IQCE: variants seen among roughly 807,000 people sequenced by gnomAD.
The protein encoded by IQCE is IQ domain-containing protein E.
Under a neutral mutation model 96.0 loss-of-function variants are expected in IQCE, and 115 were observed. The ratio of observed to expected loss-of-function variants is 1.20; its 90% confidence interval spans 1.03 to 1.40. IQCE has a LOEUF of 1.40. Ranked by LOEUF, IQCE falls within the 40% of genes most tolerant of loss-of-function variation. IQCE has a pLI of 0.00. For synonymous variants in IQCE, 412 were observed against 371.2 expected, an observed-to-expected ratio of 1.11 and a Z score of -1.26; for missense variants, 1,041 against 909.1, an observed-to-expected ratio of 1.15 and a Z score of -1.87.
intron 21 of IQCE, chr7:2,607,569 T>C: frequency 8.0e-7 from 1 of 1,242,346 alleles, no homozygotes; most frequent in Non-Finnish European, 1.0e-6. Flanking sequence ...TTTTCTACTT[T>C]GTTAAAGTCC....
Position 2,610,353 on chromosome 7 carries a change from G to C in IQCE, c.*191G>C, listed in dbSNP as rs1208300400. On this transcript the variant is annotated 3_prime_UTR_variant, in exon 22 of 22. Transcript: ENST00000402050. ...ATGCCTTTACTTTATTCTCTGGGGA[G>C]GGCCAGCGGCTCGCATCCCCCTCAT... 3.7e-6 allele frequency: 2 copies of C among 538,706 alleles called. No homozygotes were observed. The highest frequency in any genetic ancestry group is 3.3e-6 in the Non-Finnish European group (1 of 299,080). 33.4% of individuals were successfully genotyped at this position (538,706 alleles called of 1,614,324 possible). A position where few individuals can be genotyped will look rare whatever the true frequency, so the allele number is the denominator to read the frequency against.
chr7:2,572,636 TAATA>T, intron 5 of IQCE: 1 of 525,174 alleles, frequency 1.9e-6, no homozygotes. Flanking sequence ...GAACAAATAC[TAATA>T]AATAAATAAT....
chr7:2,594,123 A>G (rs1279458228), intron 15 of IQCE, among the ~76,000 whole-genome samples: 2 of 152,150 alleles, frequency 1.3e-5, no homozygotes, highest in African/African-American at 4.8e-5. Flanking sequence ...AGCCGGGCAC[A>G]GTGACAGGTG....
intron 11 of IQCE, 78 bp from the exon 12 acceptor site, chr7:2,586,130 T>C: frequency 7.3e-7 from 1 of 1,368,372 alleles, no homozygotes; most frequent in Non-Finnish European, 1.0e-6. Context: ...CAAGCTGTGA[T>C]TCACCTGTCC....
In IQCE at chr7:2,598,957, G is replaced by C. The variant is rs572381667; in HGVS notation, c.1608+325G>C. 5.3e-5 allele frequency among the ~76,000 whole-genome samples: 8 copies of C among 152,326 alleles called. No homozygotes were observed. In the South Asian group the frequency reaches 1.7e-3, roughly 32 times the overall value. On this transcript the variant is annotated intron_variant, in intron 17 of 21. Transcript: ENST00000402050. Reference sequence around the variant, plus strand: ...TTCTCCTACCTGACCACAGCACCGTGACTGCACCTAGGGCTGCCAGCAGTT... The same window carrying C: ...TTCTCCTACCTGACCACAGCACCGTCACTGCACCTAGGGCTGCCAGCAGTT...
chr7:2,588,394 C>A (rs1416666449), intron 13 of IQCE, among the ~76,000 whole-genome samples: 1 of 150,916 alleles, frequency 6.6e-6, no homozygotes, highest in East Asian at 1.9e-4. Flanking sequence ...TCACTCTGTC[C>A]CCAGGCTGGA....
chr7:2,576,916 G>C (rs1245060514), intron 6 of IQCE, among the ~76,000 whole-genome samples: 1 of 152,190 alleles, frequency 6.6e-6, no homozygotes, highest in African/African-American at 2.4e-5. Flanking sequence ...GTGCGGCACC[G>C]TCCAGCCCCG....
At chr7:2,583,090 C>T in intron 9 of IQCE, among the ~76,000 whole-genome samples, 1 of 152,136 alleles carries the variant, frequency 6.6e-6, no homozygotes, top group African/African-American at 2.4e-5. Flanking sequence ...CAATAGTTCC[C>T]CCCTCGTTTC....
At chr7:2,576,694 CG>C (rs1243320264) in intron 6 of IQCE, among the ~76,000 whole-genome samples, 1 of 152,144 alleles carries the variant, frequency 6.6e-6, no homozygotes, top group Non-Finnish European at 1.5e-5. Flanking sequence ...CCACCGTGCC[CG>C]GCCCCGACTA....
chr7:2,614,187 G>A lies in IQCE; in HGVS notation c.*4025G>A, dbSNP rs1785210121. 6.6e-6 allele frequency: 1 copy of A among 152,202 alleles called. No homozygotes were observed. The highest frequency in any genetic ancestry group is 2.4e-5 in the African/African-American group (1 of 41,434). The allele number at this position is 152,202 out of a possible 1,614,324, so 9.4% of individuals were successfully genotyped here. A position where few individuals can be genotyped will look rare whatever the true frequency, so the allele number is the denominator to read the frequency against. ...ACCTAGCTCAGATCCACCAAGATAA[G>A]CACAGCAAAGCTTGGCTGCATTTTT... On this transcript the variant is annotated 3_prime_UTR_variant, in exon 22 of 22. Coordinates refer to ENST00000402050, the MANE Select transcript of IQCE (RefSeq NM_152558.5).
At chr7:2,586,180 A>T (rs1360565845) in intron 11 of IQCE, 28 bp from the exon 12 acceptor site, 2 of 1,600,006 alleles carry the variant, frequency 1.3e-6, no homozygotes, top group African/African-American at 1.3e-5. Context: ...AGCAATGCAA[A>T]CCTCAGTCCA....
chr7:2,594,277 G>C (rs1583481172), intron 15 of IQCE, among the ~76,000 whole-genome samples: 1 of 152,120 alleles, frequency 6.6e-6, no homozygotes, highest in African/African-American at 2.4e-5. Context: ...CAAAAAAAAA[G>C]AAAACATTTC....
Position 2,605,959 on chromosome 7 carries a change from G to T in IQCE, c.1827G>T (p.Gln609His). The T allele has an allele frequency of 6.2e-7, 1 of 1,610,954 alleles. No individual in the cohort carries two copies. The highest frequency in any genetic ancestry group is 8.5e-7 in the Non-Finnish European group (1 of 1,179,176). The stretch of plus-strand genomic sequence containing the variant: ...AGGAGGAGGCCATCGTCATCATCCA[G>T]TCCGCTCTGCGGGCACACCTGGCCC... ...PVQEEAIVII[Q>H]SALRAHLARA... Residue 609 changes from glutamine (Q) to histidine (H), a missense_variant, in exon 20 of 22, where the codon CAG becomes CAT. Gln to His is a conservative substitution (Grantham distance 24). Coordinates refer to ENST00000402050, the MANE Select transcript of IQCE (RefSeq NM_152558.5).
chr7:2,571,692 G>C lies in IQCE; in HGVS notation c.259+38G>C, dbSNP rs755477684. The C allele has an allele frequency of 3.2e-6, 5 of 1,573,594 alleles. No individual in the cohort carries two copies. In the East Asian group the frequency reaches 1.1e-4, roughly 35 times the overall value. Reference sequence around the variant, plus strand: ...CGCACTGGAGACCCTTCCTGCTTGAGAGAAGAGTTCGAGAAATTTCAGGGA... The same window carrying C: ...CGCACTGGAGACCCTTCCTGCTTGACAGAAGAGTTCGAGAAATTTCAGGGA... On this transcript the variant is annotated intron_variant, in intron 4 of 21. Coordinates refer to ENST00000402050, the MANE Select transcript of IQCE (RefSeq NM_152558.5).
intron 6 of IQCE, among the ~76,000 whole-genome samples, chr7:2,575,022 C>T (rs1171300984): frequency 6.6e-6 from 1 of 152,356 alleles, no homozygotes; most frequent in East Asian, 1.9e-4. Flanking sequence ...ATCTTTGTGG[C>T]GGCTGCCCTA....
rs1781427416 is a variant in IQCE at position 2,567,059 on chromosome 7, A to G, written c.37-57A>G. Reference sequence around the variant, plus strand: ...GGCTGTTTTCGCTTTTGTAAACGTGATGGTCGGAAGCCCAGCAGGTGCCGT... The same window carrying G: ...GGCTGTTTTCGCTTTTGTAAACGTGGTGGTCGGAAGCCCAGCAGGTGCCGT... On this transcript the variant is annotated intron_variant, in intron 1 of 21. Coordinates refer to ENST00000402050, the MANE Select transcript of IQCE (RefSeq NM_152558.5). 4.1e-6 allele frequency: 6 copies of G among 1,477,224 alleles called. No homozygotes were observed. In the African/African-American group the frequency reaches 5.5e-5, roughly 14 times the overall value. 91.5% of individuals were successfully genotyped at this position (1,477,224 alleles called of 1,614,324 possible). A position where few individuals can be genotyped will look rare whatever the true frequency, so the allele number is the denominator to read the frequency against.
chr7:2,580,143 G>GT (rs1292293755), intron 8 of IQCE: 3 of 152,090 alleles, frequency 2.0e-5, no homozygotes, highest in African/African-American at 7.2e-5. Flanking sequence ...CCGTGTCTAC[G>GT]TGTCATCACC....
At chr7:2,591,652 A>C (rs1583471818) in intron 14 of IQCE, among the ~76,000 whole-genome samples, 4 of 132,334 alleles carry the variant, frequency 3.0e-5, no homozygotes, top group Admixed American at 8.6e-5. Flanking sequence ...ACAGAATCTC[A>C]CTCTGTTGCC....
At position 2,559,093 on chromosome 7, in the gene IQCE, G is replaced by A. The variant is rs963961868; in HGVS notation, c.-89G>A. ...GGGCCGGCGCCAGGGAAGGCCCCGA[G>A]GCTGCGGGCGGCCAGGGCTGCCCGC... On this transcript the variant is annotated 5_prime_UTR_variant, in exon 1 of 22. Transcript: ENST00000402050. The A allele has an allele frequency of 1.9e-5, 14 of 738,008 alleles. No homozygotes were observed. The African/African-American group carries it at 2.6e-4, about 14-fold the overall frequency. 45.7% of individuals were successfully genotyped at this position (738,008 alleles called of 1,614,324 possible).
Sources: allele counts gnomAD v4.1 joint callset (sites outside exome capture counted in the v4.1 genomes callset), GRCh38; gene constraint gnomAD v4.1.1; transcripts MANE v1.5; gene names NCBI Gene and HGNC (gene_info 2026-07-23, HGNC 2026-07-21).